The following SLC36A1 variants were observed in gnomAD, a reference collection of about 807,000 sequenced individuals.
SLC36A1 encodes the protein solute carrier family 36 member 1.
A neutral mutation model predicts 47.5 loss-of-function variants in SLC36A1; 30 were observed. That is an observed-to-expected ratio of 0.63 (90% CI 0.47 to 0.86). SLC36A1 has a LOEUF of 0.86. Among genes scored for constraint, SLC36A1 ranks in the 40% least tolerant of loss-of-function variants. SLC36A1 has a pLI of 0.00. For missense variants in SLC36A1, 517 were observed against 606.0 expected (o/e 0.85, Z 1.54); for synonymous variants, 255 against 249.7 (o/e 1.02, Z -0.20).
At chr5:151,393,637 G>T in the SLC36A1 span, among the ~76,000 whole-genome samples, 7 of 152,122 alleles carry the variant, frequency 4.6e-5, no homozygotes, top group African/African-American at 9.7e-5. Flanking sequence ...GTCTGTAAAG[G>T]ATTTTATTTC....
chr5:151,452,761 T>C (rs1753838678), intron 1 of SLC36A1, among the ~76,000 whole-genome samples: 2 of 150,790 alleles, frequency 1.3e-5, no homozygotes, highest in Admixed American at 1.3e-4. Flanking sequence ...TCCCAGCCAC[T>C]CGGGAGGCTG....
the SLC36A1 span, among the ~76,000 whole-genome samples, chr5:151,351,682 A>C: frequency 2.6e-5 from 4 of 152,182 alleles, no homozygotes; most frequent in Non-Finnish European, 5.9e-5. Context: ...TACTGTAACG[A>C]GAGCTACCAT....
chr5:151,358,980 CAAAAAAAAAAAAAAAA>C, the SLC36A1 span, among the ~76,000 whole-genome samples: 1 of 46,254 alleles, frequency 2.2e-5, no homozygotes, highest in South Asian at 6.7e-4. Flanking sequence ...GACTCCGTCT[CAAAAAAAAAAAAAAAA>C]AAAAAAAAAA....
intron 10 of SLC36A1, among the ~76,000 whole-genome samples, chr5:151,487,568 G>A (rs1174646349): frequency 2.0e-5 from 3 of 152,350 alleles, no homozygotes; most frequent in Non-Finnish European, 2.9e-5. Flanking sequence ...AGAGATGTTT[G>A]TGTTGGAGGC....
At chr5:151,507,005 C>T in the SLC36A1 span, 1 of 664,384 alleles carries the variant, frequency 1.5e-6, no homozygotes, top group Middle Eastern at 2.9e-4. Flanking sequence ...CATCCGTGCC[C>T]TGTAATCTTG....
At chr5:151,528,179 A>AC in the SLC36A1 span, 2 of 1,604,558 alleles carry the variant, frequency 1.2e-6, no homozygotes, top group Non-Finnish European at 1.7e-6. Context: ...AGGAATCTTG[A>AC]CCCCTGGGAG....
the SLC36A1 span, among the ~76,000 whole-genome samples, chr5:151,516,517 A>G: frequency 6.6e-6 from 1 of 152,142 alleles, no homozygotes; most frequent in African/African-American, 2.4e-5. Context: ...CTCTGTCTCA[A>G]TAAATAAATA....
At chr5:151,504,151 T>TGTCA in the SLC36A1 span, 1 of 152,560 alleles carries the variant, frequency 6.6e-6, no homozygotes, top group Admixed American at 6.5e-5. Flanking sequence ...ACTATGTATC[T>TGTCA]GTCACTCACA....
At chr5:151,499,964 A>G in the SLC36A1 span, among the ~76,000 whole-genome samples, 6 of 149,692 alleles carry the variant, frequency 4.0e-5, no homozygotes, top group Admixed American at 1.3e-4. Flanking sequence ...TTGCTGTGCC[A>G]CTCTTAAGGT....
chr5:151,436,596 T>C (rs945344408), upstream of SLC36A1, among the ~76,000 whole-genome samples: 1 of 152,030 alleles, frequency 6.6e-6, no homozygotes. Context: ...TTGTAAAGTG[T>C]AACCTTGAAC....
chr5:151,507,011 T>C, the SLC36A1 span: 2 of 694,238 alleles, frequency 2.9e-6, no homozygotes, highest in African/African-American at 1.8e-5. Flanking sequence ...TGCCCTGTAA[T>C]CTTGAACACA....
At chr5:151,463,897 A>G (rs879852394) in intron 3 of SLC36A1, among the ~76,000 whole-genome samples, 1 of 152,190 alleles carries the variant, frequency 6.6e-6, no homozygotes, top group Admixed American at 6.5e-5. Flanking sequence ...AGCTTACTTC[A>G]TGGTGGAGAG....
At chr5:151,368,773 A>G in the SLC36A1 span, among the ~76,000 whole-genome samples, 2 of 152,118 alleles carry the variant, frequency 1.3e-5, no homozygotes, top group East Asian at 3.9e-4. Context: ...GACTTGTCCT[A>G]TCCATGCCAC....
At chr5:151,390,156 G>A in the SLC36A1 span, among the ~76,000 whole-genome samples, 3 of 152,140 alleles carry the variant, frequency 2.0e-5, no homozygotes, top group African/African-American at 7.2e-5. Flanking sequence ...TTCTCTGATG[G>A]CCAGTGATGA....
chr5:151,474,449 C>T (rs1182846262), intron 8 of SLC36A1, among the ~76,000 whole-genome samples: 1 of 152,070 alleles, frequency 6.6e-6, no homozygotes, highest in Non-Finnish European at 1.5e-5. Flanking sequence ...AGGGCTTCAT[C>T]TCTTTGAGCC....
chr5:151,433,207 A>T (rs1222941135), upstream of SLC36A1, among the ~76,000 whole-genome samples: 3 of 117,086 alleles, frequency 2.6e-5, no homozygotes, highest in African/African-American at 9.3e-5. Flanking sequence ...AAAATAACTA[A>T]AACTTCTGAA....
At chr5:151,458,734 T>C in intron 1 of SLC36A1, 54 bp from the exon 2 acceptor site, 1 of 1,580,296 alleles carries the variant, frequency 6.3e-7, no homozygotes, top group Non-Finnish European at 8.6e-7. Context: ...ACCCCAAATA[T>C]GGAGCTAAAG....
At chr5:151,417,708 A>G in the SLC36A1 span, among the ~76,000 whole-genome samples, 3 of 152,372 alleles carry the variant, frequency 2.0e-5, no homozygotes, top group Middle Eastern at 3.4e-3. Flanking sequence ...AGCAGAGCAT[A>G]AAAGTTCAGA....
At chr5:151,461,744 C>G (rs747021803) in intron 2 of SLC36A1, among the ~76,000 whole-genome samples, 5 of 152,042 alleles carry the variant, frequency 3.3e-5, no homozygotes, top group Non-Finnish European at 7.4e-5. Context: ...GCCACACATG[C>G]GCAAAGAAAA....
Sources: allele counts gnomAD v4.1 joint callset (sites outside exome capture counted in the v4.1 genomes callset), GRCh38; gene constraint gnomAD v4.1.1; transcripts MANE v1.5; gene names NCBI Gene and HGNC (gene_info 2026-07-23, HGNC 2026-07-21).